The following POU2AF2 variants were observed in gnomAD, a reference collection of about 807,000 sequenced individuals.
POU2AF2 encodes the protein POU class 2 homeobox associating factor 2.
the POU2AF2 span, among the ~76,000 whole-genome samples, chr11:111,252,785 A>G: frequency 2.6e-5 from 4 of 152,108 alleles, no homozygotes; most frequent in Non-Finnish European, 4.4e-5. Context: ...ATATAAGAAC[A>G]TAAGCAAACC....
chr11:111,257,855 T>C, the POU2AF2 span, among the ~76,000 whole-genome samples: 1 of 152,266 alleles, frequency 6.6e-6, no homozygotes, highest in Middle Eastern at 3.4e-3. Flanking sequence ...CAGTATCTCA[T>C]GACTGTAATC....
the POU2AF2 span, among the ~76,000 whole-genome samples, chr11:111,248,040 C>T: frequency 2.2e-4 from 33 of 151,726 alleles, no homozygotes; most frequent in Non-Finnish European, 1.3e-4. Context: ...CCCGCCACCA[C>T]GCCCAACTGA....
chr11:111,283,058 CTTTTTT>C, the POU2AF2 span, among the ~76,000 whole-genome samples: 164 of 118,416 alleles, frequency 1.4e-3, no homozygotes, highest in African/African-American at 5.0e-3. Flanking sequence ...AAACTTTTTA[CTTTTTT>C]TTTTTTTTTT....
chr11:111,246,835 C>A, the POU2AF2 span, among the ~76,000 whole-genome samples: 1 of 152,072 alleles, frequency 6.6e-6, no homozygotes, highest in Non-Finnish European at 1.5e-5. Context: ...CAGCTAAAAT[C>A]TACTTATTTA....
the POU2AF2 span, among the ~76,000 whole-genome samples, chr11:111,279,204 T>C: frequency 6.6e-6 from 1 of 152,230 alleles, no homozygotes; most frequent in African/African-American, 2.4e-5. Flanking sequence ...TCCTGCAAGA[T>C]GTGTCTCCCA....
chr11:111,286,305 G>A, the POU2AF2 span: 1 of 411,774 alleles, frequency 2.4e-6, no homozygotes. Flanking sequence ...TTTTGGAACT[G>A]TTGTAACCCA....
chr11:111,279,678 T>A, the POU2AF2 span, among the ~76,000 whole-genome samples: 1 of 152,158 alleles, frequency 6.6e-6, no homozygotes, highest in Admixed American at 6.5e-5. Context: ...TATGACCTCA[T>A]CTTAATTTAA....
At chr11:111,250,001 T>A in the POU2AF2 span, among the ~76,000 whole-genome samples, 1 of 152,226 alleles carries the variant, frequency 6.6e-6, no homozygotes, top group Non-Finnish European at 1.5e-5. Context: ...TTCTTAGATG[T>A]ACAGTTTTTA....
the POU2AF2 span, among the ~76,000 whole-genome samples, chr11:111,261,134 ATGTC>A: frequency 6.6e-6 from 1 of 152,188 alleles, no homozygotes; most frequent in South Asian, 2.1e-4. Context: ...ATTGCTATGT[ATGTC>A]TATTTTTAAA....
the POU2AF2 span, among the ~76,000 whole-genome samples, chr11:111,261,294 T>C: frequency 2.1e-3 from 171 of 83,398 alleles, no homozygotes; most frequent in Admixed American, 5.6e-3. Flanking sequence ...CACACACACA[T>C]AATTAAGTTC....
the POU2AF2 span, among the ~76,000 whole-genome samples, chr11:111,250,649 T>C: frequency 6.6e-6 from 1 of 152,168 alleles, no homozygotes; most frequent in Non-Finnish European, 1.5e-5. Context: ...TAGGACATAA[T>C]AGAATGGCAA....
chr11:111,275,408 T>C, the POU2AF2 span, among the ~76,000 whole-genome samples: 1 of 152,088 alleles, frequency 6.6e-6, no homozygotes, highest in Non-Finnish European at 1.5e-5. Flanking sequence ...AAAAGACAGG[T>C]TTCCTGAGGA....
chr11:111,282,936 GGT>G, the POU2AF2 span, among the ~76,000 whole-genome samples: 1 of 152,072 alleles, frequency 6.6e-6, no homozygotes, highest in Non-Finnish European at 1.5e-5. Context: ...TGAGCTACGG[GGT>G]CAGAAAGTGT....
At chr11:111,267,111 C>T in the POU2AF2 span, among the ~76,000 whole-genome samples, 1 of 152,202 alleles carries the variant, frequency 6.6e-6, no homozygotes, top group Non-Finnish European at 1.5e-5. Context: ...CAAACCAGTA[C>T]CAGGACCTTC....
the POU2AF2 span, among the ~76,000 whole-genome samples, chr11:111,281,067 T>C: frequency 6.6e-6 from 1 of 152,186 alleles, no homozygotes; most frequent in Non-Finnish European, 1.5e-5. Context: ...GGGAGGCTAC[T>C]GGATATGCGT....
At chr11:111,268,939 T>C in the POU2AF2 span, among the ~76,000 whole-genome samples, 40,737 of 151,994 alleles carry the variant, frequency 0.27, 5,740 homozygotes, top group Admixed American at 0.34. Context: ...TTGTTCTCTT[T>C]GTGTTTGACT....
chr11:111,269,089 T>G, the POU2AF2 span, among the ~76,000 whole-genome samples: 1 of 152,084 alleles, frequency 6.6e-6, no homozygotes, highest in Non-Finnish European at 1.5e-5. Context: ...GAATCAGTAT[T>G]CACCCTGGGA....
the POU2AF2 span, among the ~76,000 whole-genome samples, chr11:111,255,129 T>G: frequency 6.6e-6 from 1 of 152,232 alleles, no homozygotes; most frequent in African/African-American, 2.4e-5. Flanking sequence ...CTCTATAGTC[T>G]GTTATCTCTC....
the POU2AF2 span, chr11:111,256,077 T>C: frequency 1.8e-5 from 7 of 399,000 alleles, no homozygotes; most frequent in Admixed American, 8.8e-5. Context: ...GGCAGACAAG[T>C]AACTCAAGAC....
Sources: allele counts gnomAD v4.1 joint callset (sites outside exome capture counted in the v4.1 genomes callset), GRCh38; gene constraint gnomAD v4.1.1; transcripts MANE v1.5; gene names NCBI Gene and HGNC (gene_info 2026-07-23, HGNC 2026-07-21).